The following CLASP1 variants were observed in gnomAD, a reference collection of about 807,000 sequenced individuals.
CLASP1 encodes cytoplasmic linker associated protein 1.
Under a neutral mutation model 192.3 loss-of-function variants are expected in CLASP1, and 38 were observed. The ratio of observed to expected loss-of-function variants is 0.20; its 90% CI spans 0.15 to 0.26. The LOEUF is 0.26. Ranked by LOEUF, CLASP1 falls within the 10% of genes least tolerant of loss-of-function variation. The pLI, the probability that CLASP1 is intolerant of heterozygous loss-of-function variation, is 1.00. For synonymous variants in CLASP1, 691 were observed against 712.8 expected, an observed-to-expected ratio of 0.97 and a Z score of 0.49; for missense variants, 1,433 against 1,932.5, an observed-to-expected ratio of 0.74 and a Z score of 4.85.
intron 36 of CLASP1, 51 bp downstream of exon 37, chr2:121,365,043 G>A (rs562460046): frequency 3.3e-5 from 51 of 1,535,078 alleles, no homozygotes; most frequent in East Asian, 1.1e-4. Flanking sequence ...AAAGGACATC[G>A]TGACCCCATT....
chr2:121,618,230 C>A (rs2066770767), intron 1 of CLASP1, among the ~76,000 whole-genome samples: 1 of 152,196 alleles, frequency 6.6e-6, no homozygotes, highest in South Asian at 2.1e-4. Context: ...CTGTTGCAAA[C>A]AAGGTACTCC....
chr2:121,470,210 T>A, intron 8 of CLASP1: 1 of 535,068 alleles, frequency 1.9e-6, no homozygotes, highest in Admixed American at 2.2e-5. Flanking sequence ...ATAGAACAAA[T>A]ATAAAGAAGA....
At chr2:121,380,617 T>C (rs780539016) in intron 33 of CLASP1, among the ~76,000 whole-genome samples, 45 of 152,204 alleles carry the variant, frequency 3.0e-4, no homozygotes, top group Non-Finnish European at 1.3e-4. Flanking sequence ...GCCTGCCTTC[T>C]TCGTCATTTT....
At chr2:121,344,086 C>T (rs2063132364) in intron 39 of CLASP1, among the ~76,000 whole-genome samples, 2 of 151,546 alleles carry the variant, frequency 1.3e-5, no homozygotes, top group Admixed American at 1.3e-4. Context: ...AAAACAGTTA[C>T]AATGGTAAAT....
chr2:121,364,810 A>T (rs2067075664), intron 36 of CLASP1: 1 of 413,786 alleles, frequency 2.4e-6, no homozygotes, highest in East Asian at 4.6e-5. Flanking sequence ...TAAAGTTTTA[A>T]GAAATTCTGT....
At chr2:121,516,713 C>G (rs1337833451) in intron 6 of CLASP1, among the ~76,000 whole-genome samples, 1 of 152,164 alleles carries the variant, frequency 6.6e-6, no homozygotes, top group Non-Finnish European at 1.5e-5. Context: ...GATACATACA[C>G]ACTGATATGT....
intron 1 of CLASP1, among the ~76,000 whole-genome samples, chr2:121,625,538 G>A (rs982567597): frequency 4.1e-5 from 6 of 147,366 alleles, no homozygotes; most frequent in South Asian, 2.2e-4. Context: ...AGGTTCAAGC[G>A]ATTCTCCTGC....
At chr2:121,463,300 A>C (rs2088526806) in intron 9 of CLASP1, among the ~76,000 whole-genome samples, 1 of 152,158 alleles carries the variant, frequency 6.6e-6, no homozygotes, top group Non-Finnish European at 1.5e-5. Flanking sequence ...ACCCCCATTA[A>C]TGATTTACAT....
Position 121,574,496 on chromosome 2 carries a change from G to A in CLASP1, c.195+31205C>T, listed in dbSNP as rs541593420. 7.2e-5 allele frequency among the ~76,000 whole-genome samples: 11 copies of A among 151,808 alleles called. No individual in the cohort carries two copies. The South Asian group carries it at 8.3e-4, about 11-fold the overall frequency. ...CTAAAAATACAAAAATTAGCTGAGCGTGGTGGCACACGCCTGTAATCCCAG... is the reference window on the plus strand; with the variant it reads ...CTAAAAATACAAAAATTAGCTGAGCATGGTGGCACACGCCTGTAATCCCAG... On this transcript the variant is annotated intron_variant, in intron 2 of 39. Transcript: ENST00000263710.
At chr2:121,629,650 G>A (rs1262296238) in intron 1 of CLASP1, among the ~76,000 whole-genome samples, 1 of 151,804 alleles carries the variant, frequency 6.6e-6, no homozygotes, top group Non-Finnish European at 1.5e-5. Flanking sequence ...AATTAGCTGG[G>A]CATGGTGGCA....
At chr2:121,530,124 G>A (rs1411002997) in intron 3 of CLASP1, 123 bp downstream of exon 3, 12 of 765,138 alleles carry the variant, frequency 1.6e-5, no homozygotes, top group East Asian at 2.9e-5. Context: ...AGGAGCGGAA[G>A]GGAGGGAGAG....
intron 2 of CLASP1, among the ~76,000 whole-genome samples, chr2:121,559,191 C>A (rs1305352134): frequency 6.6e-6 from 1 of 152,140 alleles, no homozygotes; most frequent in Admixed American, 6.5e-5. Context: ...GCAATACAGA[C>A]CATGACAATT....
chr2:121,360,650 A>ATT (rs2066214279), intron 37 of CLASP1, among the ~76,000 whole-genome samples: 1 of 151,990 alleles, frequency 6.6e-6, no homozygotes, highest in Non-Finnish European at 1.5e-5. Flanking sequence ...CCTCAAACCT[A>ATT]AATACACAGG....
chr2:121,498,962 T>C (rs2093638793), intron 8 of CLASP1, among the ~76,000 whole-genome samples: 1 of 152,140 alleles, frequency 6.6e-6, no homozygotes, highest in African/African-American at 2.4e-5. Context: ...CTCTTACAGG[T>C]TGCTGGTAAG....
chr2:121,597,361 C>A (rs2063260876), intron 2 of CLASP1, among the ~76,000 whole-genome samples: 1 of 152,140 alleles, frequency 6.6e-6, no homozygotes, highest in African/African-American at 2.4e-5. Context: ...GTATTAAATA[C>A]AGGTCCACAA....
chr2:121,338,765 G>C (rs375711652), exon 40 of CLASP1: 1 of 152,138 alleles, frequency 6.6e-6, no homozygotes, highest in African/African-American at 2.4e-5. Context: ...AGCAATGTTC[G>C]AGATCCTTTC....
At chr2:121,364,743 C>A in intron 36 of CLASP1, 1 of 249,264 alleles carries the variant, frequency 4.0e-6, no homozygotes, top group Non-Finnish European at 7.9e-6. Flanking sequence ...ACATATGAAA[C>A]AAAAATGAAA....
In CLASP1 at chr2:121,414,585, G is replaced by A. The variant is rs569241580; in HGVS notation, c.2321-3616C>T. On this transcript the variant is annotated intron_variant, in intron 23 of 39. Coordinates refer to ENST00000263710, the Ensembl canonical transcript of CLASP1. ...GTCTACATCCCAGAGCGGAATGGCA[G>A]TAAGACGGATTGTTAGCTCACGAGA... Among the ~76,000 whole-genome samples, 23 of 152,296 alleles carry A rather than the reference G, an allele frequency of 1.5e-4. No homozygotes were observed. The South Asian group carries it at 4.8e-3, about 32-fold the overall frequency.
chr2:121,488,840 T>C (rs2093138767), intron 8 of CLASP1, among the ~76,000 whole-genome samples: 2 of 152,192 alleles, frequency 1.3e-5, no homozygotes, highest in South Asian at 4.1e-4. Context: ...CTATCACGAC[T>C]GCAGTTACTG....
Sources: gnomAD v4.1 joint callset for allele counts (sites outside exome capture counted in the v4.1 genomes callset) on GRCh38, gnomAD v4.1.1 for gene constraint, MANE v1.5 for transcripts, NCBI Gene and HGNC (gene_info 2026-07-23, HGNC 2026-07-21) for gene names.